Variants in ADAMTS6 observed in about 807,000 individuals in gnomAD.
The protein encoded by ADAMTS6 is A disintegrin and metalloproteinase with thrombospondin motifs 6.
ADAMTS6 carries 23 observed loss-of-function variants against 144.3 expected under a neutral mutation model. The ratio of observed to expected loss-of-function variants is 0.16; its 90% CI spans 0.11 to 0.23. The LOEUF (loss-of-function observed/expected upper bound fraction) is 0.23, where lower values mean the gene tolerates loss of function less well. Ranked by LOEUF, ADAMTS6 falls within the 10% of genes least tolerant of loss-of-function variation. The probability of loss-of-function intolerance (pLI) is 1.00; values close to 1 mark genes in which losing one functional copy is unlikely to be tolerated. For synonymous variants in ADAMTS6, 444 were observed against 457.5 expected (o/e 0.97, Z 0.38); for missense variants, 999 against 1,379.6 (o/e 0.72, Z 4.37).
chr5:65,153,734 G>A (rs1011843520), intron 24 of ADAMTS6, among the ~76,000 whole-genome samples: 3 of 152,074 alleles, frequency 2.0e-5, no homozygotes, highest in Non-Finnish European at 2.9e-5. Context: ...TATTTCCTGG[G>A]GAACAACTTC....
At chr5:65,184,841 T>A (rs1475616094) in intron 22 of ADAMTS6, among the ~76,000 whole-genome samples, 1 of 151,878 alleles carries the variant, frequency 6.6e-6, no homozygotes, top group African/African-American at 2.4e-5. Context: ...ACTGGGTGGG[T>A]TTCACTGACG....
At chr5:65,472,540 T>C (rs916774461) in intron 2 of ADAMTS6, among the ~76,000 whole-genome samples, 2 of 152,158 alleles carry the variant, frequency 1.3e-5, no homozygotes, top group Non-Finnish European at 2.9e-5. Flanking sequence ...TTGACTAAAA[T>C]TTCAGAGAAC....
chr5:65,299,915 C>T, intron 10 of ADAMTS6, 70 bp downstream of exon 10: 1 of 1,519,896 alleles, frequency 6.6e-7, no homozygotes, highest in Non-Finnish European at 8.9e-7. Context: ...GTTGAAAGCA[C>T]TACATGTTAG....
At chr5:65,225,169 TC>T in intron 16 of ADAMTS6, 122 bp from the exon 17 acceptor site, 1 of 1,166,608 alleles carries the variant, frequency 8.6e-7, no homozygotes, top group East Asian at 2.6e-5. Flanking sequence ...AATAAGGTAA[TC>T]CGTGAATAAA....
chr5:65,237,611 T>C (rs1380940603), intron 15 of ADAMTS6, among the ~76,000 whole-genome samples: 2 of 152,130 alleles, frequency 1.3e-5, no homozygotes, highest in African/African-American at 2.4e-5. Flanking sequence ...GAAACCAGAA[T>C]GCATCTGATA....
At position 65,327,103 on chromosome 5, in the gene ADAMTS6, G is replaced by A. The variant is rs566301278; in HGVS notation, c.1223+2275C>T. On this transcript the variant is annotated intron_variant, in intron 9 of 24. Transcript: ENST00000381055. ...GAATGAATGAATTCTTGCTCTATGA[G>A]TTCACATGAGAGCTGGTTGTTTAAA... is the stretch of plus-strand genomic sequence containing the variant. Among the ~76,000 whole-genome samples the A allele has an allele frequency of 9.2e-5, 14 of 152,190 alleles. 1 individual carries two copies. The highest frequency in any genetic ancestry group is 3.4e-4 in the African/African-American group (14 of 41,530).
chr5:65,459,445 A>G (rs1003171913), intron 4 of ADAMTS6, among the ~76,000 whole-genome samples: 4 of 152,036 alleles, frequency 2.6e-5, no homozygotes, highest in African/African-American at 9.7e-5. Flanking sequence ...ACTTCCCCCA[A>G]CCACTATGAA....
At chr5:65,341,864 A>G (rs940716405) in intron 7 of ADAMTS6, among the ~76,000 whole-genome samples, 6 of 152,156 alleles carry the variant, frequency 3.9e-5, no homozygotes, top group African/African-American at 1.4e-4. Context: ...TAACTCTGAT[A>G]CTACCAGACA....
chr5:65,341,192 T>C (rs187706446), intron 7 of ADAMTS6, among the ~76,000 whole-genome samples: 77 of 151,922 alleles, frequency 5.1e-4, no homozygotes, highest in African/African-American at 1.8e-3. Flanking sequence ...CCAAAACCTA[T>C]AGGACATAGC....
At chr5:65,288,760 T>A (rs1042705198) in intron 11 of ADAMTS6, among the ~76,000 whole-genome samples, 3 of 152,228 alleles carry the variant, frequency 2.0e-5, no homozygotes, top group African/African-American at 7.2e-5. Context: ...GCAACTGTAT[T>A]TAGTGTTCAT....
chr5:65,437,189 G>C (rs1190172808), intron 7 of ADAMTS6, among the ~76,000 whole-genome samples: 1 of 151,556 alleles, frequency 6.6e-6, no homozygotes, highest in Non-Finnish European at 1.5e-5. Flanking sequence ...CCACCTCCCA[G>C]GTTCAAGCCA....
chr5:65,450,316 A>T (rs934001604), intron 7 of ADAMTS6, among the ~76,000 whole-genome samples: 1 of 152,172 alleles, frequency 6.6e-6, no homozygotes, highest in African/African-American at 2.4e-5. Context: ...TATAACTATT[A>T]AAAAAATTCA....
At chr5:65,202,642 T>C (rs2112257018) in intron 20 of ADAMTS6, among the ~76,000 whole-genome samples, 1 of 152,270 alleles carries the variant, frequency 6.6e-6, no homozygotes, top group South Asian at 2.1e-4. Flanking sequence ...TAGTTTATAG[T>C]TTCCCCATTT....
intron 9 of ADAMTS6, among the ~76,000 whole-genome samples, chr5:65,303,419 GAT>G (rs1561399753): frequency 2.6e-5 from 4 of 151,906 alleles, no homozygotes; most frequent in East Asian, 1.9e-4. Flanking sequence ...TCCAATTAAT[GAT>G]ATGTCTTCTA....
intron 7 of ADAMTS6, among the ~76,000 whole-genome samples, chr5:65,413,428 T>G (rs1416942523): frequency 6.6e-6 from 1 of 152,160 alleles, no homozygotes; most frequent in Non-Finnish European, 1.5e-5. Context: ...GGCAGGGATT[T>G]TTTAAGGAAA....
chr5:65,255,275 A>AT (rs901288096), intron 14 of ADAMTS6, among the ~76,000 whole-genome samples: 2 of 151,612 alleles, frequency 1.3e-5, no homozygotes, highest in African/African-American at 4.8e-5. Context: ...TTTAATTTTA[A>AT]TTTTTTTATT....
At chr5:65,250,056 T>G (rs977978217) in intron 14 of ADAMTS6, among the ~76,000 whole-genome samples, 5 of 152,220 alleles carry the variant, frequency 3.3e-5, no homozygotes, top group African/African-American at 1.2e-4. Context: ...TGGATCTCTT[T>G]CACAGCATTA....
chr5:65,332,157 CTGTA>C (rs1402684546), intron 8 of ADAMTS6, among the ~76,000 whole-genome samples: 1 of 151,402 alleles, frequency 6.6e-6, no homozygotes, highest in Non-Finnish European at 1.5e-5. Flanking sequence ...GTAAAATTCA[CTGTA>C]TGTGTGTCTT....
intron 7 of ADAMTS6, among the ~76,000 whole-genome samples, chr5:65,370,420 ACC>A (rs1750749253): frequency 6.6e-6 from 1 of 152,140 alleles, no homozygotes; most frequent in African/African-American, 2.4e-5. Flanking sequence ...GGGTGCGCGC[ACC>A]ATGCGTGAGC....
Sources: allele counts gnomAD v4.1 joint callset (sites outside exome capture counted in the v4.1 genomes callset), GRCh38; gene constraint gnomAD v4.1.1; transcripts MANE v1.5; gene names NCBI Gene and HGNC (gene_info 2026-07-23, HGNC 2026-07-21).